Variants in BLOC1S5 observed in about 807,000 individuals in gnomAD.
BLOC1S5 encodes the protein biogenesis of lysosome-related organelles complex 1 subunit 5.
BLOC1S5 carries 27 observed loss-of-function variants against 24.3 expected under a neutral mutation model. The ratio of observed to expected loss-of-function variants is 1.11; its 90% CI spans 0.82 to 1.53. BLOC1S5 has a LOEUF of 1.53. Ranked by LOEUF, BLOC1S5 falls within the 40% of genes most tolerant of loss-of-function variation. BLOC1S5 has a pLI of 0.00. For missense variants in BLOC1S5, 239 were observed against 229.4 expected (o/e 1.04, Z -0.27); for synonymous variants, 84 against 74.5 (o/e 1.13, Z -0.66).
At chr6:8,024,514 C>CAAAAA (rs60853006) in intron 4 of BLOC1S5, among the ~76,000 whole-genome samples, 44 of 65,610 alleles carry the variant, frequency 6.7e-4, no homozygotes, top group Non-Finnish European at 8.5e-4. Context: ...GACTCCATCT[C>CAAAAA]AAAAAAAAAA....
At chr6:8,032,606 A>G (rs966811543) in intron 3 of BLOC1S5, among the ~76,000 whole-genome samples, 1 of 152,212 alleles carries the variant, frequency 6.6e-6, no homozygotes, top group African/African-American at 2.4e-5. Flanking sequence ...TATTCAATGT[A>G]GTGTTGAAAG....
At chr6:8,064,392 C>T (rs201316247), upstream of BLOC1S5, 65 of 1,597,766 alleles carry the variant, frequency 4.1e-5, no homozygotes, top group East Asian at 1.2e-3. Flanking sequence ...CCAGTTCCGC[C>T]CACCCGCGGC....
chr6:8,052,125 C>A (rs1764129046), intron 2 of BLOC1S5, among the ~76,000 whole-genome samples: 2 of 151,952 alleles, frequency 1.3e-5, no homozygotes, highest in South Asian at 2.1e-4. Flanking sequence ...CGCCACCACG[C>A]CCGGCTAATT....
chr6:8,053,203 A>G (rs966234832), intron 2 of BLOC1S5, among the ~76,000 whole-genome samples: 2 of 152,238 alleles, frequency 1.3e-5, no homozygotes, highest in Non-Finnish European at 2.9e-5. Context: ...TATTATATAG[A>G]CTTAGTTAAT....
chr6:8,056,337 C>G (rs774404485), intron 2 of BLOC1S5, among the ~76,000 whole-genome samples: 7 of 152,196 alleles, frequency 4.6e-5, no homozygotes, highest in Non-Finnish European at 1.0e-4. Context: ...TCTGGCAGTT[C>G]TGATACCACA....
intron 2 of BLOC1S5, among the ~76,000 whole-genome samples, chr6:8,042,401 G>C (rs1020188720): frequency 1.3e-5 from 2 of 152,148 alleles, no homozygotes; most frequent in South Asian, 2.1e-4. Context: ...CATTAGAAAG[G>C]CCTCCTCATA....
chr6:8,059,066 G>C (rs1367111065), intron 2 of BLOC1S5, among the ~76,000 whole-genome samples: 1 of 152,144 alleles, frequency 6.6e-6, no homozygotes, highest in Non-Finnish European at 1.5e-5. Context: ...CCTGAGAAAG[G>C]CCATAACAGT....
chr6:8,056,401 C>A (rs562343526), intron 2 of BLOC1S5, among the ~76,000 whole-genome samples: 48 of 152,230 alleles, frequency 3.2e-4, no homozygotes, highest in Non-Finnish European at 6.2e-4. Context: ...TACCCTGTTG[C>A]CTGGTTTTAT....
intron 2 of BLOC1S5, among the ~76,000 whole-genome samples, chr6:8,047,133 A>C (rs1349513072): frequency 7.8e-6 from 1 of 127,498 alleles, no homozygotes; most frequent in Admixed American, 8.5e-5. Context: ...TAAACAAACA[A>C]TAAGACCACC....
intron 4 of BLOC1S5, among the ~76,000 whole-genome samples, chr6:8,019,025 A>T (rs1162328775): frequency 6.6e-6 from 1 of 152,252 alleles, no homozygotes; most frequent in Non-Finnish European, 1.5e-5. Flanking sequence ...ACTGCCAAAG[A>T]TCAGTATTTC....
At chr6:8,044,302 A>AG (rs1763796634) in intron 2 of BLOC1S5, among the ~76,000 whole-genome samples, 1 of 151,212 alleles carries the variant, frequency 6.6e-6, no homozygotes, top group Non-Finnish European at 1.5e-5. Context: ...AAAAAAAAAA[A>AG]AAGAAGGAAG....
intron 2 of BLOC1S5, among the ~76,000 whole-genome samples, 159 bp downstream of exon 2, chr6:8,062,375 A>G (rs923359296): frequency 2.6e-5 from 4 of 152,230 alleles, no homozygotes; most frequent in Non-Finnish European, 4.4e-5. Flanking sequence ...AACTTATCCC[A>G]TTAAAAACAA....
chr6:8,060,565 G>A (rs13206370), intron 2 of BLOC1S5, among the ~76,000 whole-genome samples: 20,994 of 152,172 alleles, frequency 0.14, 1,773 homozygotes, highest in South Asian at 0.27. Context: ...GCAGGTGGCC[G>A]GGTGAGGGCT....
At chr6:8,016,562 G>A (rs1304024357) in intron 4 of BLOC1S5, among the ~76,000 whole-genome samples, 1 of 152,026 alleles carries the variant, frequency 6.6e-6, no homozygotes. Context: ...GTCACTAGAA[G>A]AGAACTCGAG....
intron 2 of BLOC1S5, among the ~76,000 whole-genome samples, chr6:8,054,603 T>C (rs1434989585): frequency 2.0e-5 from 3 of 152,230 alleles, no homozygotes; most frequent in African/African-American, 4.8e-5. Flanking sequence ...CCTTCTGGCA[T>C]GAGACAGATA....
At chr6:8,034,768 G>C (rs1561860900) in intron 3 of BLOC1S5, among the ~76,000 whole-genome samples, 2 of 152,222 alleles carry the variant, frequency 1.3e-5, no homozygotes, top group Admixed American at 1.3e-4. Flanking sequence ...TCTACCATTT[G>C]ATCCAGCAAT....
rs539284989 is a variant in BLOC1S5 at position 8,044,886 on chromosome 6, T to G, written c.196-3618A>C. 5.3e-5 allele frequency among the ~76,000 whole-genome samples: 8 copies of G among 152,216 alleles called. No individual in the cohort carries two copies. The East Asian group carries it at 1.5e-3, about 29-fold the overall frequency. ...TCAGTTTTATAAGGTAAGCGGAGCA[T>G]AAAAGTTTGGAAAATCTGTAGCCTG... On this transcript the variant is annotated intron_variant, in intron 2 of 4. Transcript: ENST00000397457.
At chr6:8,023,446 C>T (rs141516711) in intron 4 of BLOC1S5, among the ~76,000 whole-genome samples, 6,012 of 152,106 alleles carry the variant, frequency 0.04, 379 homozygotes, top group African/African-American at 0.13. Context: ...AAAAATTAGC[C>T]GTGTGTGGTG....
chr6:8,048,711 T>C (rs535958045), intron 2 of BLOC1S5, among the ~76,000 whole-genome samples: 1 of 152,302 alleles, frequency 6.6e-6, no homozygotes, highest in East Asian at 1.9e-4. Flanking sequence ...CATTGTGCCT[T>C]GAAATTATGT....
Sources: gnomAD v4.1 joint callset for allele counts (sites outside exome capture counted in the v4.1 genomes callset) on GRCh38, gnomAD v4.1.1 for gene constraint, MANE v1.5 for transcripts, NCBI Gene and HGNC (gene_info 2026-07-23, HGNC 2026-07-21) for gene names.